The following PRKAR1B variants were observed in gnomAD, a reference collection of about 807,000 sequenced individuals.
PRKAR1B encodes protein kinase cAMP-dependent type I regulatory subunit beta.
Under a neutral mutation model 46.5 loss-of-function variants are expected in PRKAR1B, and 22 were observed. The observed-to-expected ratio is 0.47, with a 90% CI of 0.34 to 0.68. The LOEUF is 0.68. Ranked by LOEUF, PRKAR1B falls within the 30% of genes least tolerant of loss-of-function variation. The pLI is 0.01. For synonymous variants in PRKAR1B, 259 were observed against 217.7 expected (o/e 1.19, Z -1.67); for missense variants, 445 against 535.6 (o/e 0.83, Z 1.67).
intron 7 of PRKAR1B, among the ~76,000 whole-genome samples, chr7:595,515 G>A (rs1006392776): frequency 1.8e-4 from 28 of 152,122 alleles, no homozygotes; most frequent in African/African-American, 5.8e-4. Flanking sequence ...CGGGGAGGGC[G>A]TGGAGGGTCT....
At chr7:699,505 G>C (rs539213650) in intron 2 of PRKAR1B, among the ~76,000 whole-genome samples, 1 of 152,216 alleles carries the variant, frequency 6.6e-6, no homozygotes, top group African/African-American at 2.4e-5. Flanking sequence ...TGCTCACCAA[G>C]TAGTGAGCTA....
At chr7:623,410 T>C (rs112627995) in intron 4 of PRKAR1B, among the ~76,000 whole-genome samples, 11,915 of 152,268 alleles carry the variant, frequency 0.078, 519 homozygotes, top group Middle Eastern at 0.11. Context: ...CCATCTGTAC[T>C]TCCTTGTAAA....
intron 4 of PRKAR1B, among the ~76,000 whole-genome samples, chr7:622,807 T>A (rs1783181080): frequency 6.6e-6 from 1 of 152,212 alleles, no homozygotes; most frequent in South Asian, 2.1e-4. Flanking sequence ...TTCCAGCGCA[T>A]ACTAATATGT....
intron 6 of PRKAR1B, among the ~76,000 whole-genome samples, chr7:605,247 C>T (rs572334666): frequency 2.4e-4 from 36 of 152,358 alleles, no homozygotes; most frequent in Middle Eastern, 6.8e-3. Context: ...CCCGCTGACT[C>T]CGCAGGGGCT....
chr7:682,037 G>GGGGA (rs1474284264), intron 2 of PRKAR1B, among the ~76,000 whole-genome samples: 2 of 152,086 alleles, frequency 1.3e-5, no homozygotes, highest in African/African-American at 4.8e-5. Flanking sequence ...AATGAAGTAA[G>GGGGA]GGGAGGGAGG....
intron 4 of PRKAR1B, among the ~76,000 whole-genome samples, chr7:658,888 T>C (rs1474840558): frequency 6.6e-6 from 1 of 152,184 alleles, no homozygotes; most frequent in East Asian, 1.9e-4. Context: ...TGGCCTCAAG[T>C]GATCCACCCA....
At chr7:556,617 C>T (rs377146461) in intron 9 of PRKAR1B, among the ~76,000 whole-genome samples, 231 of 152,328 alleles carry the variant, frequency 1.5e-3, no homozygotes, top group African/African-American at 5.1e-3. Context: ...CCGAGGCGTC[C>T]GCGTTCATCC....
At chr7:573,213 G>A (rs898064313) in intron 9 of PRKAR1B, among the ~76,000 whole-genome samples, 1 of 152,232 alleles carries the variant, frequency 6.6e-6, no homozygotes, top group Non-Finnish European at 1.5e-5. Flanking sequence ...GGTTGCCAAG[G>A]AGACCCTTTC....
At chr7:631,890 G>A (rs1464147286) in intron 4 of PRKAR1B, among the ~76,000 whole-genome samples, 1 of 152,014 alleles carries the variant, frequency 6.6e-6, no homozygotes, top group African/African-American at 2.4e-5. Context: ...CCAGGAGATT[G>A]AGGCTGCATA....
At chr7:674,956 C>T (rs1029929718) in intron 4 of PRKAR1B, among the ~76,000 whole-genome samples, 9 of 152,214 alleles carry the variant, frequency 5.9e-5, no homozygotes, top group South Asian at 2.1e-4. Context: ...GCCCCTGCCA[C>T]CCTTTCTGAG....
At chr7:709,432 G>A (rs1279394015) in intron 2 of PRKAR1B, among the ~76,000 whole-genome samples, 14 of 147,118 alleles carry the variant, frequency 9.5e-5, no homozygotes, top group Non-Finnish European at 1.3e-4. Flanking sequence ...GTGCAGTGGC[G>A]CCATCCTGGC....
rs551787600 is a variant in PRKAR1B, at chr7:572,594, T to A, written c.891+6662A>T. Among the ~76,000 whole-genome samples the A allele has an allele frequency of 4.6e-4, 70 of 152,050 alleles. 2 individuals carry two copies. The South Asian group carries it at 0.014, about 29-fold the overall frequency. ...TTTCCACACCTGTGCGGGGCTGGGG[T>A]CCCCACACCTGAGGGAAATCAGCTC... On this transcript the variant is annotated intron_variant, in intron 9 of 10. Coordinates refer to ENST00000537384, the MANE Select transcript of PRKAR1B (RefSeq NM_001164760.2).
chr7:683,677 TG>T (rs1276978911), intron 2 of PRKAR1B, among the ~76,000 whole-genome samples: 1 of 152,214 alleles, frequency 6.6e-6, no homozygotes, highest in African/African-American at 2.4e-5. Flanking sequence ...GGCACCCACA[TG>T]GAGCAGCGGG....
At chr7:652,196 A>G (rs1402246315) in intron 4 of PRKAR1B, among the ~76,000 whole-genome samples, 2 of 135,522 alleles carry the variant, frequency 1.5e-5, no homozygotes, top group Admixed American at 1.5e-4. Flanking sequence ...TCACACCCGC[A>G]CAGCGCTAGG....
intron 4 of PRKAR1B, among the ~76,000 whole-genome samples, chr7:634,795 ATGTC>A (rs1308667519): frequency 2.0e-5 from 3 of 151,770 alleles, no homozygotes; most frequent in Non-Finnish European, 4.4e-5. Context: ...ACCCGCCACC[ATGTC>A]TGGCTAATTT....
chr7:642,825 C>CT (rs1326051083), intron 4 of PRKAR1B, among the ~76,000 whole-genome samples: 1 of 151,436 alleles, frequency 6.6e-6, no homozygotes, highest in Non-Finnish European at 1.5e-5. Context: ...GTTTATCAGG[C>CT]AGCACACTCG....
At chr7:701,559 A>G (rs1780070965) in intron 2 of PRKAR1B, among the ~76,000 whole-genome samples, 1 of 152,220 alleles carries the variant, frequency 6.6e-6, no homozygotes, top group Admixed American at 6.5e-5. Flanking sequence ...AAACTCAAAG[A>G]AAATCAAACT....
At chr7:627,751 G>C (rs1288850167) in intron 4 of PRKAR1B, among the ~76,000 whole-genome samples, 1 of 148,066 alleles carries the variant, frequency 6.8e-6, no homozygotes, top group Non-Finnish European at 1.5e-5. Flanking sequence ...CCGGGCACTG[G>C]GGGAGGAGGT....
rs1488724459 is a variant in PRKAR1B, at chr7:550,211, A to G, written c.*219T>C. The G allele has an allele frequency of 1.1e-5, 6 of 565,614 alleles. No individual in the cohort carries two copies. The highest frequency in any genetic ancestry group is 8.1e-5 in the South Asian group (4 of 49,486). 35.0% of individuals were successfully genotyped at this position (565,614 alleles called of 1,614,324 possible). A position where few individuals can be genotyped will look rare whatever the true frequency, so the allele number is the denominator to read the frequency against. On this transcript the variant is annotated 3_prime_UTR_variant, in exon 11 of 11. Transcript: ENST00000537384. ...AGGAAGCTGGCCTGTCCCTTCCTTG[A>G]TCTTGGGATGCATTTTGTCCGCTTG...
Sources: gnomAD v4.1 joint callset for allele counts (sites outside exome capture counted in the v4.1 genomes callset) on GRCh38, gnomAD v4.1.1 for gene constraint, MANE v1.5 for transcripts, NCBI Gene and HGNC (gene_info 2026-07-23, HGNC 2026-07-21) for gene names.